Variants in GMDS observed in about 807,000 individuals in gnomAD.
GMDS encodes GDP-mannose 4,6-dehydratase.
A neutral mutation model predicts 49.9 loss-of-function variants in GMDS; 20 were observed. The observed-to-expected ratio is 0.40, with a 90% CI of 0.28 to 0.58. The LOEUF (loss-of-function observed/expected upper bound fraction) is 0.58, where lower values mean the gene tolerates loss of function less well. GMDS is among the 20% of genes least tolerant of loss of function. GMDS has a pLI of 0.42. For missense variants in GMDS, 362 were observed against 481.4 expected (o/e 0.75, Z 2.32); for synonymous variants, 177 against 178.6 (o/e 0.99, Z 0.07).
At chr6:2,176,082 T>G (rs1257571517) in intron 1 of GMDS, 1 of 1,031,870 alleles carries the variant, frequency 9.7e-7, no homozygotes, top group East Asian at 2.7e-5. Flanking sequence ...AAATGCACAC[T>G]GACAACATGT....
chr6:1,960,243 TTC>T (rs955537128), intron 5 of GMDS, among the ~76,000 whole-genome samples: 1 of 152,152 alleles, frequency 6.6e-6, no homozygotes, highest in Non-Finnish European at 1.5e-5. Flanking sequence ...TTCTCTCTCA[TTC>T]TCTCTCTCTA....
intron 8 of GMDS, among the ~76,000 whole-genome samples, 171 bp downstream of exon 8, chr6:1,742,297 C>T (rs1767305323): frequency 6.6e-6 from 1 of 152,138 alleles, no homozygotes; most frequent in South Asian, 2.1e-4. Context: ...ACAAATAACA[C>T]AAGTAGGGCT....
intron 9 of GMDS, among the ~76,000 whole-genome samples, chr6:1,723,389 C>T (rs554087037): frequency 6.9e-6 from 1 of 145,610 alleles, no homozygotes; most frequent in African/African-American, 2.6e-5. Flanking sequence ...TGCAGTGGCA[C>T]GACCTTGGCT....
chr6:1,865,890 GA>G (rs1021138176), intron 7 of GMDS, among the ~76,000 whole-genome samples: 3 of 151,068 alleles, frequency 2.0e-5, no homozygotes, highest in Non-Finnish European at 3.0e-5. Context: ...TCCACAGGAA[GA>G]AAAAAAAATG....
intron 7 of GMDS, among the ~76,000 whole-genome samples, chr6:1,919,486 G>A (rs1043771271): frequency 6.6e-6 from 1 of 152,012 alleles, no homozygotes; most frequent in Non-Finnish European, 1.5e-5. Context: ...TACATAATTC[G>A]GCTTCTGTAA....
At chr6:1,862,101 A>G (rs1426360222) in intron 7 of GMDS, among the ~76,000 whole-genome samples, 1 of 152,250 alleles carries the variant, frequency 6.6e-6, no homozygotes, top group Non-Finnish European at 1.5e-5. Flanking sequence ...ACTGGGATTT[A>G]CAGACAATAA....
At chr6:2,174,075 C>T (rs1416553090) in intron 1 of GMDS, among the ~76,000 whole-genome samples, 1 of 152,128 alleles carries the variant, frequency 6.6e-6, no homozygotes, top group African/African-American at 2.4e-5. Flanking sequence ...GAATTACAGG[C>T]TACGAACAGT....
chr6:1,770,584 G>A (rs1172046692), intron 7 of GMDS, among the ~76,000 whole-genome samples: 1 of 152,230 alleles, frequency 6.6e-6, no homozygotes, highest in Non-Finnish European at 1.5e-5. Context: ...GACAATGAGA[G>A]TGAACAGTAC....
chr6:1,741,341 C>A (rs1767261567), intron 8 of GMDS, among the ~76,000 whole-genome samples: 1 of 152,184 alleles, frequency 6.6e-6, no homozygotes, highest in Non-Finnish European at 1.5e-5. Context: ...CCTCTTTCCA[C>A]CCATCCCTTC....
At position 2,202,798 on chromosome 6, in the gene GMDS, C is replaced by G. The variant is rs549983060; in HGVS notation, c.102+42523G>C. ...GCTGCAATAAAGATAAGCTATGACC[C>G]TGGTTCTGGACCACAGTGGAGAGAG... On this transcript the variant is annotated intron_variant, in intron 1 of 10. Coordinates refer to ENST00000380815, the MANE Select transcript of GMDS (RefSeq NM_001500.4). Among the ~76,000 whole-genome samples the G allele has an allele frequency of 5.9e-5, 9 of 152,300 alleles. 1 individual carries two copies. The South Asian group carries it at 1.9e-3, about 32-fold the overall frequency.
intron 1 of GMDS, among the ~76,000 whole-genome samples, chr6:2,160,448 A>T (rs537644730): frequency 6.6e-6 from 1 of 152,388 alleles, no homozygotes; most frequent in East Asian, 1.9e-4. Context: ...CCTAGGTCTG[A>T]CACCAAACTC....
intron 4 of GMDS, among the ~76,000 whole-genome samples, chr6:2,047,631 G>C (rs1167241835): frequency 2.6e-5 from 4 of 151,976 alleles, no homozygotes; most frequent in Admixed American, 1.3e-4. Context: ...TGGGATTACA[G>C]GTGTGCACCA....
At chr6:1,699,979 G>A (rs1765485441) in intron 9 of GMDS, among the ~76,000 whole-genome samples, 1 of 152,178 alleles carries the variant, frequency 6.6e-6, no homozygotes, top group African/African-American at 2.4e-5. Context: ...CCAGGCCCAG[G>A]TGAGGAGAAC....
At chr6:1,674,574 T>C (rs1764547693) in intron 9 of GMDS, among the ~76,000 whole-genome samples, 1 of 147,160 alleles carries the variant, frequency 6.8e-6, no homozygotes, top group Admixed American at 6.9e-5. Flanking sequence ...TTTTTTTTTT[T>C]TTTTTTTTTT....
chr6:1,888,849 A>G (rs1330401423), intron 7 of GMDS, among the ~76,000 whole-genome samples: 1 of 152,176 alleles, frequency 6.6e-6, no homozygotes, highest in Non-Finnish European at 1.5e-5. Flanking sequence ...GCCAAAACAA[A>G]GGGGACACAG....
In GMDS at chr6:2,245,408, C is replaced by G. The variant is rs569280153; in HGVS notation, c.15G>C (p.Pro5=). 3 of 1,527,726 alleles carry G rather than the reference C, an allele frequency of 2.0e-6. No individual in the cohort carries two copies. Among genetic ancestry groups the G allele is most frequent in the Non-Finnish European group, 2.6e-6 (3 of 1,142,442 alleles). The allele number at this position is 1,527,726 out of a possible 1,614,324, so 94.6% of individuals were successfully genotyped here. ...AGCCCCGGGCGCTGGGGCAGCGTGCCGGTGCGTGTGCCATGTCCCGCGGCG... is the reference window on the plus strand; with the variant it reads ...AGCCCCGGGCGCTGGGGCAGCGTGCGGGTGCGTGTGCCATGTCCCGCGGCG... MAHA[P]ARCPSARGSG... is the part of the protein sequence containing the mutation. The change falls in exon 1 of 11, where the codon CCG becomes CCC. Residue 5 remains proline (P), a synonymous_variant. Transcript: ENST00000380815.
intron 9 of GMDS, among the ~76,000 whole-genome samples, chr6:1,685,769 G>T (rs1432503013): frequency 1.3e-5 from 2 of 152,166 alleles, no homozygotes; most frequent in Non-Finnish European, 2.9e-5. Flanking sequence ...GAATGGAGGG[G>T]CACAGGATGG....
chr6:1,999,981 T>TAATATATATATATTATATATATATA (rs1491406850), intron 4 of GMDS, among the ~76,000 whole-genome samples: 1 of 15,930 alleles, frequency 6.3e-5, no homozygotes, highest in East Asian at 1.2e-3. Flanking sequence ...TATATATATA[T>TAATATATATATATTATATATATATA]TTTATATATA....
intron 1 of GMDS, among the ~76,000 whole-genome samples, chr6:2,181,968 G>A (rs1338191138): frequency 3.9e-5 from 6 of 152,220 alleles, no homozygotes; most frequent in African/African-American, 7.2e-5. Context: ...CTGAAAGGTA[G>A]CCTCTTGCAC....
Sources: allele counts gnomAD v4.1 joint callset (sites outside exome capture counted in the v4.1 genomes callset), GRCh38; gene constraint gnomAD v4.1.1; transcripts MANE v1.5; gene names NCBI Gene and HGNC (gene_info 2026-07-23, HGNC 2026-07-21).